The following ASIC2 variants were observed in gnomAD, a reference collection of about 807,000 sequenced individuals.
The protein encoded by ASIC2 is acid sensing ion channel subunit 2, also known as acid-sensing ion channel 2.
Under a neutral mutation model 57.3 loss-of-function variants are expected in ASIC2, and 25 were observed. The observed-to-expected ratio is 0.44, with a 90% CI of 0.32 to 0.61. The LOEUF (loss-of-function observed/expected upper bound fraction) is 0.61, where lower values mean the gene tolerates loss of function less well. ASIC2 is among the 20% of genes least tolerant of loss of function. ASIC2 has a pLI of 0.06. For synonymous variants in ASIC2, 319 were observed against 307.5 expected (o/e 1.04, Z -0.39); for missense variants, 641 against 738.1 (o/e 0.87, Z 1.52).
In ASIC2 at chr17:34,040,064, G is replaced by T. The variant is rs569040528; in HGVS notation, c.555+115914C>A. Reference sequence around the variant, plus strand: ...GCTCCACGAGAGGGCGGGCGGGGGAGGGGGGGCACGAAGGCCGCAGATCCC... The same window carrying T: ...GCTCCACGAGAGGGCGGGCGGGGGATGGGGGGCACGAAGGCCGCAGATCCC... On this transcript the variant is annotated intron_variant, in intron 1 of 9. Coordinates refer to the ASIC2 transcript ENST00000359872. 5.1e-3 allele frequency among the ~76,000 whole-genome samples: 728 copies of T among 141,956 alleles called. 9 individuals carry two copies. Among genetic ancestry groups the T allele is most frequent in the African/African-American group, 0.018 (690 of 38,050 alleles). The allele number at this position is 141,956 out of a possible 152,430, so 93.1% of individuals were successfully genotyped here.
intron 1 of ASIC2, among the ~76,000 whole-genome samples, chr17:33,646,757 T>A (rs1906753869): frequency 6.6e-6 from 1 of 151,902 alleles, no homozygotes; most frequent in East Asian, 1.9e-4. Context: ...GGGTGCAGAG[T>A]AGCTACAGAG....
chr17:33,638,740 C>T (rs56830448), intron 1 of ASIC2, among the ~76,000 whole-genome samples: 5,361 of 152,236 alleles, frequency 0.035, 307 homozygotes, highest in African/African-American at 0.12. Flanking sequence ...GCTGCTGTGA[C>T]TCTGCCTGAG....
At position 33,144,359 on chromosome 17, in the gene ASIC2, G is replaced by A. The variant is rs577531692; in HGVS notation, c.709-32292C>T. 3.3e-5 allele frequency among the ~76,000 whole-genome samples: 5 copies of A among 152,088 alleles called. No homozygotes were observed. In the South Asian group the frequency reaches 1.0e-3, roughly 32 times the overall value. ...GGGGGAGAAAGAGAGAGAGCGGGTG[G>A]GATAGGGAAGAGAAGGGGATGGGAA... On this transcript the variant is annotated intron_variant, in intron 1 of 9. Coordinates refer to ENST00000225823, the MANE Select transcript of ASIC2 (RefSeq NM_183377.2).
At chr17:33,500,212 C>T (rs1227425794) in intron 1 of ASIC2, among the ~76,000 whole-genome samples, 2 of 152,052 alleles carry the variant, frequency 1.3e-5, no homozygotes, top group South Asian at 2.1e-4. Context: ...TTTTTCTCCT[C>T]CTTTTTTGAA....
At chr17:33,754,944 C>G (rs143404678) in intron 1 of ASIC2, among the ~76,000 whole-genome samples, 1 of 112,548 alleles carries the variant, frequency 8.9e-6, no homozygotes, top group Admixed American at 1.3e-4. Context: ...GGCAACAGAG[C>G]GAGACTCCAT....
chr17:34,070,757 AAG>A (rs1413629808), intron 1 of ASIC2: 1 of 152,262 alleles, frequency 6.6e-6, no homozygotes, highest in Non-Finnish European at 1.5e-5. Context: ...GCCACAAGCC[AAG>A]AGAGTCTGTG....
intron 1 of ASIC2, among the ~76,000 whole-genome samples, chr17:33,787,384 G>A (rs1449954745): frequency 8.5e-5 from 13 of 152,202 alleles, no homozygotes; most frequent in African/African-American, 2.9e-4. Context: ...CCCCAGGAGG[G>A]AAGATGGAAT....
intron 1 of ASIC2, among the ~76,000 whole-genome samples, chr17:33,527,346 G>A (rs1914915028): frequency 6.6e-6 from 1 of 152,216 alleles, no homozygotes; most frequent in African/African-American, 2.4e-5. Context: ...ACTCTCAGAA[G>A]TAGCTGAAAC....
chr17:33,944,357 G>A (rs117308552), intron 1 of ASIC2, among the ~76,000 whole-genome samples: 3 of 152,204 alleles, frequency 2.0e-5, no homozygotes, highest in Non-Finnish European at 4.4e-5. Flanking sequence ...CGCCAGTTTA[G>A]CATGAACTTT....
intron 1 of ASIC2, among the ~76,000 whole-genome samples, chr17:33,569,825 C>G (rs1468869692): frequency 1.3e-5 from 2 of 152,174 alleles, no homozygotes; most frequent in Admixed American, 6.5e-5. Context: ...GCTCAAAAAC[C>G]CTGACTGGCT....
intron 3 of ASIC2, among the ~76,000 whole-genome samples, chr17:33,069,419 A>G (rs2092058193): frequency 6.6e-6 from 1 of 152,160 alleles, no homozygotes; most frequent in Non-Finnish European, 1.5e-5. Flanking sequence ...CCTATCAATT[A>G]TTGAGAGAGG....
chr17:33,760,062 A>C (rs1910734294), intron 1 of ASIC2, among the ~76,000 whole-genome samples: 1 of 152,196 alleles, frequency 6.6e-6, no homozygotes, highest in Non-Finnish European at 1.5e-5. Flanking sequence ...GTATTGTGTT[A>C]TGAGCAACAA....
intron 1 of ASIC2, among the ~76,000 whole-genome samples, chr17:33,772,082 C>T: frequency 6.6e-6 from 1 of 152,210 alleles, no homozygotes; most frequent in East Asian, 1.9e-4. Context: ...ACTAGAATCC[C>T]TCTTTCCCAA....
At chr17:33,464,455 T>TTC (rs760389511) in intron 1 of ASIC2, among the ~76,000 whole-genome samples, 23 of 68,584 alleles carry the variant, frequency 3.4e-4, no homozygotes, top group Admixed American at 1.7e-3. Context: ...ATGCCTCTTT[T>TTC]TCTCTTTCTT....
At position 33,027,452 on chromosome 17, in the gene ASIC2, G is replaced by A. The variant is rs16563; in HGVS notation, c.1138+790C>T. On this transcript the variant is annotated intron_variant, in intron 4 of 9. Transcript: ENST00000225823. ...ATTCCCGGCACATAGTAGGTCTTTA[G>A]TCAGCATGACTTTTGGTTCCCTCTT... is the stretch of plus-strand genomic sequence containing the variant. Among the ~76,000 whole-genome samples, 30 of 152,294 alleles carry A rather than the reference G, an allele frequency of 2.0e-4. No individual in the cohort carries two copies. The East Asian group carries it at 5.4e-3, about 27-fold the overall frequency.
rs115601202 is a variant in ASIC2, at chr17:34,000,142, T to C, written c.555+155836A>G. Among the ~76,000 whole-genome samples the C allele has an allele frequency of 2.8e-3, 421 of 152,100 alleles. 2 individuals are homozygous for C. The highest frequency in any genetic ancestry group is 9.8e-3 in the African/African-American group (407 of 41,480). ...CTGCTAAGAAATCAATTGATACACT[T>C]CTGGAGGTTCCCTTGCATGTGACAA... On this transcript the variant is annotated intron_variant, in intron 1 of 9. Transcript: ENST00000359872.
chr17:33,346,836 C>T (rs1436476196), intron 1 of ASIC2, among the ~76,000 whole-genome samples: 1 of 152,130 alleles, frequency 6.6e-6, no homozygotes, highest in African/African-American at 2.4e-5. Flanking sequence ...CAAAGAAGAG[C>T]AAGACCGAGG....
intron 1 of ASIC2, among the ~76,000 whole-genome samples, chr17:33,958,386 G>A (rs1441035127): frequency 6.6e-6 from 1 of 152,176 alleles, no homozygotes; most frequent in Non-Finnish European, 1.5e-5. Flanking sequence ...TTCTCCATGA[G>A]GGCTCTGTCC....
At chr17:33,533,511 TA>T (rs1220934641) in intron 1 of ASIC2, 4 of 152,212 alleles carry the variant, frequency 2.6e-5, no homozygotes, top group Non-Finnish European at 4.4e-5. Context: ...ACATCTTCTC[TA>T]TCTATTAAAA....
Sources: allele counts gnomAD v4.1 joint callset (sites outside exome capture counted in the v4.1 genomes callset), GRCh38; gene constraint gnomAD v4.1.1; transcripts MANE v1.5; gene names NCBI Gene and HGNC (gene_info 2026-07-23, HGNC 2026-07-21).